HAO2: variants seen among roughly 807,000 people sequenced by gnomAD.
HAO2 encodes the protein hydroxyacid oxidase 2.
HAO2 carries 42 observed loss-of-function variants against 37.4 expected under a neutral mutation model. The observed-to-expected ratio is 1.12, with a 90% CI of 0.88 to 1.45. HAO2 has a LOEUF of 1.45. HAO2 is among the 40% of genes most tolerant of loss of function. HAO2 has a pLI of 0.00. For synonymous variants in HAO2, 180 were observed against 162.8 expected (o/e 1.11, Z -0.81); for missense variants, 476 against 430.2 (o/e 1.11, Z -0.94).
chr1:119,392,212 C>T lies in HAO2; in HGVS notation c.874C>T (p.Leu292Phe), dbSNP rs1447726332. 10 of 1,613,356 alleles carry T rather than the reference C, an allele frequency of 6.2e-6. No individual in the cohort carries two copies. The highest frequency in any genetic ancestry group is 8.5e-6 in the Non-Finnish European group (10 of 1,179,586). The part of the protein sequence containing the change: ...TGNDVLKALA[L>F]GAKCIFLGRP... ...CAATGATGTGCTGAAGGCTCTGGCC[C>T]TTGGAGCTAAGTGCATTTTTCTTGG... Residue 292 changes from leucine (L) to phenylalanine (F), a missense_variant, in exon 6 of 8, where the codon CTT (leucine) becomes TTT (phenylalanine). Physicochemically the swap from Leu to Phe is conservative, Grantham distance 22 (BLOSUM62 0). Transcript: ENST00000325945.
In HAO2 at chr1:119,381,239, T is replaced by A. The variant is rs1315755526; in HGVS notation, c.131+23T>A. 9 of 1,589,676 alleles carry A rather than the reference T, an allele frequency of 5.7e-6. No homozygotes were observed. In the South Asian group the frequency reaches 9.9e-5, roughly 18 times the overall value. On this transcript the variant is annotated intron_variant, in intron 2 of 7. Coordinates refer to ENST00000325945, the MANE Select transcript of HAO2 (RefSeq NM_016527.4). ...AAGGTGTGGTCTTCTGTAGCCTGTC[T>A]ATTGTTAGGTTAAGGTGCACTGGTG...
intron 2 of HAO2, among the ~76,000 whole-genome samples, chr1:119,382,285 T>C (rs1650008859): frequency 6.6e-6 from 1 of 152,216 alleles, no homozygotes; most frequent in African/African-American, 2.4e-5. Flanking sequence ...ATAATAATAT[T>C]GTATAAACAA....
intron 5 of HAO2, among the ~76,000 whole-genome samples, chr1:119,391,048 C>T (rs1189750686): frequency 1.3e-5 from 2 of 152,138 alleles, no homozygotes; most frequent in African/African-American, 4.8e-5. Context: ...AATGTGAATT[C>T]TCTCTAGTTA....
At chr1:119,380,854 AT>A in intron 1 of HAO2, 1 of 728,168 alleles carries the variant, frequency 1.4e-6, no homozygotes, top group Non-Finnish European at 2.4e-6. Context: ...AATAATCAGG[AT>A]TTGGGAATGG....
chr1:119,377,521 A>G (rs1341534583), intron 1 of HAO2, among the ~76,000 whole-genome samples: 1 of 152,156 alleles, frequency 6.6e-6, no homozygotes, highest in East Asian at 1.9e-4. Flanking sequence ...TTCCAAAGTC[A>G]CTTCCACATT....
At position 119,380,624 on chromosome 1, in the gene HAO2, C is replaced by T. The variant is rs17023507; in HGVS notation, c.-8-454C>T. The T allele has an allele frequency of 8.5e-3, 9,342 of 1,095,786 alleles. 356 individuals carry two copies. In the African/African-American group the frequency reaches 0.099, roughly 12 times the overall value. The allele number at this position is 1,095,786 out of a possible 1,614,324, so 67.9% of individuals were successfully genotyped here. A position where few individuals can be genotyped will look rare whatever the true frequency, so the allele number is the denominator to read the frequency against. On this transcript the variant is annotated intron_variant, in intron 1 of 7. Coordinates refer to ENST00000325945, the MANE Select transcript of HAO2 (RefSeq NM_016527.4). Reference sequence around the variant, plus strand: ...GCCTAGAAAGCTGGGAATGCCATGACGTGGGCACATTGAAAGACAAGAGGC... The same window carrying T: ...GCCTAGAAAGCTGGGAATGCCATGATGTGGGCACATTGAAAGACAAGAGGC...
intron 1 of HAO2, among the ~76,000 whole-genome samples, chr1:119,378,059 G>A (rs895107740): frequency 6.6e-6 from 1 of 151,516 alleles, no homozygotes; most frequent in Non-Finnish European, 1.5e-5. Flanking sequence ...AGAAAAAAAT[G>A]CATAATTGTA....
intron 1 of HAO2, among the ~76,000 whole-genome samples, chr1:119,371,418 A>G (rs1648997657): frequency 6.6e-6 from 1 of 152,192 alleles, no homozygotes; most frequent in Non-Finnish European, 1.5e-5. Flanking sequence ...TTTTTTAGTG[A>G]TTGGCTGAAT....
chr1:119,385,456 C>A, intron 4 of HAO2: 1 of 779,120 alleles, frequency 1.3e-6, no homozygotes, highest in Non-Finnish European at 1.6e-6. Flanking sequence ...CAAACTGACT[C>A]TCCAAAGGGG....
At chr1:119,391,543 T>A (rs1650901443) in intron 5 of HAO2, among the ~76,000 whole-genome samples, 1 of 152,184 alleles carries the variant, frequency 6.6e-6, no homozygotes, top group African/African-American at 2.4e-5. Flanking sequence ...GTGTTGTACT[T>A]TAGTCCTATC....
In HAO2 at chr1:119,392,677, G is replaced by C; in HGVS notation, c.990G>C (p.Met330Ile). Residue 330 changes from methionine to isoleucine, a missense_variant, in exon 7 of 8, where the codon ATG becomes ATC. Coordinates refer to ENST00000325945, the MANE Select transcript of HAO2 (RefSeq NM_016527.4). The part of the protein sequence containing the change: ...NILTNEFHTS[M>I]ALTGCRSVAE... ...TAACAAATGAGTTCCACACTTCCATGGCCCTTACAGGTAAGTTAACATGTT... is the reference window on the plus strand; with the variant it reads ...TAACAAATGAGTTCCACACTTCCATCGCCCTTACAGGTAAGTTAACATGTT... The C allele has an allele frequency of 3.1e-6, 5 of 1,592,734 alleles. No homozygotes were observed. In the South Asian group the frequency reaches 5.5e-5, roughly 18 times the overall value.
At position 119,383,000 on chromosome 1, in the gene HAO2, A is replaced by G. The variant is rs1374239970; in HGVS notation, c.217A>G (p.Ile73Val). The stretch of plus-strand genomic sequence containing the variant: ...CCAAGGGGAGGAGATCAGTGCCCCT[A>G]TTTGTATCGCACCCACAGGGTTCCA... ...TIQGEEISAP[I>V]CIAPTGFHCL... The change falls in exon 3 of 8, where the codon ATT becomes GTT. Residue 73 changes from isoleucine (I) to valine (V), a missense_variant. Physicochemically the swap from Ile to Val is conservative, Grantham distance 29. Coordinates refer to ENST00000325945, the MANE Select transcript of HAO2 (RefSeq NM_016527.4). 2 of 1,612,766 alleles carry G rather than the reference A, an allele frequency of 1.2e-6. No homozygotes were observed. The highest frequency in any genetic ancestry group is 2.2e-5 in the South Asian group (2 of 90,996).
Position 119,383,621 on chromosome 1 carries a change from C to A in HAO2, c.283+555C>A, listed in dbSNP as rs372691342. Among the ~76,000 whole-genome samples, 19 of 152,186 alleles carry A rather than the reference C, an allele frequency of 1.2e-4. No homozygotes were observed. The South Asian group carries it at 4.0e-3, about 32-fold the overall frequency. On this transcript the variant is annotated intron_variant, in intron 3 of 7. Transcript: ENST00000325945. ...TCTCCTTCCCAGTCAACCTAATTCT[C>A]ATCCCACATTCTCCACCACCACCAC... is the stretch of plus-strand genomic sequence containing the variant.
chr1:119,393,832 A>G lies in HAO2; in HGVS notation c.1048A>G (p.Arg350Gly), dbSNP rs776741516. 1 of 1,612,958 alleles carries G rather than the reference A, an allele frequency of 6.2e-7. No individual in the cohort carries two copies. The highest frequency in any genetic ancestry group is 1.3e-5 in the African/African-American group (1 of 74,968). The change falls in exon 8 of 8, where the codon AGG becomes GGG. Residue 350 changes from arginine to glycine, a missense_variant. Coordinates refer to ENST00000325945, the MANE Select transcript of HAO2 (RefSeq NM_016527.4). ...EINRNLVQFS[R>G]L ...CAATCGAAACTTGGTCCAGTTTTCCAGGCTGTAAGAAAAAAGGGCCAATAA... is the reference window on the plus strand; with the variant it reads ...CAATCGAAACTTGGTCCAGTTTTCCGGGCTGTAAGAAAAAAGGGCCAATAA...
intron 5 of HAO2, among the ~76,000 whole-genome samples, chr1:119,387,234 G>C (rs1650467224): frequency 6.6e-6 from 1 of 152,114 alleles, no homozygotes. Context: ...AAAACACCCT[G>C]ATGTGTCTTT....
intron 2 of HAO2, 65 bp downstream of exon 2, chr1:119,381,281 G>C (rs587775709): frequency 8.8e-7 from 1 of 1,134,018 alleles, no homozygotes; most frequent in Admixed American, 1.8e-5. Context: ...AACTTGGACA[G>C]TAGTAGTCCT....
rs776697710 is a variant in HAO2 at position 119,382,907 on chromosome 1, C to T, written c.132-8C>T. ...ACCAACAGAAGATCTCTTTGTTGTCCGGCACAGAATTCGCCTCCGTCCGCG... is the reference window on the plus strand; with the variant it reads ...ACCAACAGAAGATCTCTTTGTTGTCTGGCACAGAATTCGCCTCCGTCCGCG... On this transcript the variant is annotated splice_region_variant and splice_polypyrimidine_tract_variant and intron_variant, in intron 2 of 7. Transcript: ENST00000325945. The T allele has an allele frequency of 2.2e-5, 36 of 1,612,120 alleles. No individual in the cohort carries two copies. The highest frequency in any genetic ancestry group is 3.3e-5 in the Admixed American group (2 of 59,942).
chr1:119,378,558 A>T (rs1649666786), intron 1 of HAO2, among the ~76,000 whole-genome samples: 1 of 152,202 alleles, frequency 6.6e-6, no homozygotes, highest in Non-Finnish European at 1.5e-5. Flanking sequence ...GTCTAAGGAA[A>T]AATTAGAAGA....
intron 1 of HAO2, among the ~76,000 whole-genome samples, chr1:119,373,626 C>A (rs1266968510): frequency 6.6e-6 from 1 of 152,082 alleles, no homozygotes; most frequent in African/African-American, 2.4e-5. Flanking sequence ...CATAAACATG[C>A]CCCACCACGG....
Sources: gnomAD v4.1 joint callset for allele counts (sites outside exome capture counted in the v4.1 genomes callset) on GRCh38, gnomAD v4.1.1 for gene constraint, MANE v1.5 for transcripts, NCBI Gene and HGNC (gene_info 2026-07-23, HGNC 2026-07-21) for gene names.